The following MACROD2 variants were observed in gnomAD, a reference collection of about 807,000 sequenced individuals.
The protein encoded by MACROD2 is mono-ADP ribosylhydrolase 2.
MACROD2 carries 36 observed loss-of-function variants against 70.4 expected under a neutral mutation model. The observed-to-expected ratio is 0.51, with a 90% CI of 0.39 to 0.68. MACROD2 has a LOEUF of 0.68. MACROD2 is among the 30% of genes least tolerant of loss of function. The pLI is 0.00. For synonymous variants in MACROD2, 172 were observed against 178.8 expected (o/e 0.96, Z 0.30); for missense variants, 496 against 538.4 (o/e 0.92, Z 0.78).
chr20:16,043,996 A>G (rs6043685), intron 16 of MACROD2, among the ~76,000 whole-genome samples: 51,660 of 151,982 alleles, frequency 0.34, 8,842 homozygotes, highest in Middle Eastern at 0.37. Context: ...CCCTCCCACA[A>G]TGGGTTAGGC....
chr20:14,075,226 T>C (rs892203916), intron 2 of MACROD2, among the ~76,000 whole-genome samples: 1 of 152,140 alleles, frequency 6.6e-6, no homozygotes, highest in African/African-American at 2.4e-5. Flanking sequence ...CGTGAAATTG[T>C]GAAAAAGGAA....
intron 3 of MACROD2, among the ~76,000 whole-genome samples, chr20:14,280,181 G>A (rs969052386): frequency 6.6e-6 from 1 of 152,048 alleles, no homozygotes; most frequent in Non-Finnish European, 1.5e-5. Flanking sequence ...CAAGGATCTG[G>A]TTCACTACAT....
In MACROD2 at chr20:14,510,019, G is replaced by A. The variant is rs918352822; in HGVS notation, c.301+16511G>A. On this transcript the variant is annotated intron_variant, in intron 4 of 17. Transcript: ENST00000684519. ...TAAAAGTCTTTATTGGCAAAACATA[G>A]TTAAAATATTCCAACCCTTAGAAAC... 6.6e-5 allele frequency among the ~76,000 whole-genome samples: 10 copies of A among 152,096 alleles called. 1 individual carries two copies. In the East Asian group the frequency reaches 1.9e-3, roughly 29 times the overall value.
chr20:14,985,249 C>A (rs536352278), intron 5 of MACROD2, among the ~76,000 whole-genome samples: 2 of 152,296 alleles, frequency 1.3e-5, no homozygotes, highest in Middle Eastern at 3.4e-3. Context: ...CATTCAGTAA[C>A]GTTTTTGCCC....
At chr20:14,343,348 A>G (rs1184580527) in intron 3 of MACROD2, among the ~76,000 whole-genome samples, 2 of 152,164 alleles carry the variant, frequency 1.3e-5, no homozygotes, top group Non-Finnish European at 1.5e-5. Context: ...CTGAGAAAAT[A>G]ACTGGAGCTC....
intron 3 of MACROD2, among the ~76,000 whole-genome samples, chr20:14,340,471 A>AGGT (rs2083001576): frequency 6.6e-6 from 1 of 152,096 alleles, no homozygotes; most frequent in African/African-American, 2.4e-5. Context: ...ACACAAAGGG[A>AGGT]GGTAGTACAG....
At chr20:14,555,110 G>T (rs778310669) in intron 4 of MACROD2, among the ~76,000 whole-genome samples, 2 of 152,120 alleles carry the variant, frequency 1.3e-5, no homozygotes, top group South Asian at 4.1e-4. Context: ...AACTACAAGA[G>T]TGTAATTGGG....
intron 8 of MACROD2, among the ~76,000 whole-genome samples, chr20:15,614,551 C>A (rs554465544): frequency 6.6e-6 from 1 of 152,256 alleles, no homozygotes; most frequent in South Asian, 2.1e-4. Flanking sequence ...CTCAGGTGAG[C>A]TATTTGCATT....
At chr20:15,060,601 A>C (rs2075524785) in intron 5 of MACROD2, among the ~76,000 whole-genome samples, 1 of 152,172 alleles carries the variant, frequency 6.6e-6, no homozygotes, top group Non-Finnish European at 1.5e-5. Flanking sequence ...TCATTTCCCC[A>C]GCCTTTCCCA....
chr20:14,140,693 C>T (rs2148705280), intron 3 of MACROD2, among the ~76,000 whole-genome samples: 1 of 152,316 alleles, frequency 6.6e-6, no homozygotes, highest in Middle Eastern at 3.4e-3. Flanking sequence ...TGCCGAATGA[C>T]TTCCAACCAA....
intron 12 of MACROD2, among the ~76,000 whole-genome samples, chr20:15,938,072 G>T (rs1487210241): frequency 1.4e-5 from 2 of 142,218 alleles, no homozygotes; most frequent in Admixed American, 7.1e-5. Flanking sequence ...TCCAGAAAAA[G>T]TAAAAAAAAA....
intron 2 of MACROD2, among the ~76,000 whole-genome samples, chr20:14,034,590 A>G (rs2053285319): frequency 6.6e-6 from 1 of 152,166 alleles, no homozygotes; most frequent in African/African-American, 2.4e-5. Flanking sequence ...CAGCACCAAC[A>G]CTGGATTATA....
At chr20:14,444,999 TC>T (rs2084168037) in intron 3 of MACROD2, among the ~76,000 whole-genome samples, 1 of 152,038 alleles carries the variant, frequency 6.6e-6, no homozygotes, top group South Asian at 2.1e-4. Flanking sequence ...TCTCCTTGCT[TC>T]TACTCTTGCC....
At chr20:14,349,332 A>G (rs954389412) in intron 3 of MACROD2, among the ~76,000 whole-genome samples, 32 of 151,144 alleles carry the variant, frequency 2.1e-4, no homozygotes, top group African/African-American at 7.3e-4. Context: ...CAAGAATGCA[A>G]TGTATAATAA....
chr20:14,530,205 G>A (rs2085285447), intron 4 of MACROD2, among the ~76,000 whole-genome samples: 1 of 152,156 alleles, frequency 6.6e-6, no homozygotes, highest in African/African-American at 2.4e-5. Context: ...GGGCCCTTGT[G>A]ATATGGTGTT....
At chr20:15,161,557 A>G (rs1311494559) in intron 5 of MACROD2, among the ~76,000 whole-genome samples, 2 of 152,002 alleles carry the variant, frequency 1.3e-5, no homozygotes, top group Non-Finnish European at 2.9e-5. Flanking sequence ...TAAATATACA[A>G]AGAAGCTGTA....
chr20:14,953,129 A>G (rs1379032598), intron 5 of MACROD2, among the ~76,000 whole-genome samples: 2 of 152,102 alleles, frequency 1.3e-5, no homozygotes, highest in Non-Finnish European at 2.9e-5. Context: ...TGGTCATCTT[A>G]TTTTATAATG....
intron 13 of MACROD2, among the ~76,000 whole-genome samples, chr20:15,985,372 C>A (rs1134050): frequency 6.6e-6 from 1 of 152,016 alleles, no homozygotes; most frequent in Non-Finnish European, 1.5e-5. Context: ...AAGTCAAAAC[C>A]AAAACCAAAG....
chr20:14,529,459 C>T (rs182611037), intron 4 of MACROD2, among the ~76,000 whole-genome samples: 41 of 152,218 alleles, frequency 2.7e-4, no homozygotes, highest in Non-Finnish European at 1.2e-4. Flanking sequence ...ATTTACAGGC[C>T]AGGATAGGCT....
Sources: allele counts gnomAD v4.1 joint callset (sites outside exome capture counted in the v4.1 genomes callset), GRCh38; gene constraint gnomAD v4.1.1; transcripts MANE v1.5; gene names NCBI Gene and HGNC (gene_info 2026-07-23, HGNC 2026-07-21).